Variants in NHS observed in about 807,000 individuals in gnomAD.
NHS encodes the protein actin remodeling regulator NHS.
In NHS, 5 loss-of-function variants were observed where a neutral mutation model predicts 72.5. The observed-to-expected ratio is 0.07, with a 90% CI of 0.04 to 0.14. The LOEUF (loss-of-function observed/expected upper bound fraction) is 0.14. Ranked by LOEUF, NHS falls within the 10% of genes least tolerant of loss-of-function variation. NHS has a pLI of 1.00. For synonymous variants in NHS, 464 were observed against 547.7 expected, an observed-to-expected ratio of 0.85 and a Z score of 2.13; for missense variants, 1,072 against 1,355.7, an observed-to-expected ratio of 0.79 and a Z score of 3.29.
At position 17,375,825 on chromosome X, in the gene NHS, CAGCAGT is replaced by C. The variant is rs1195311295; in HGVS notation, c.69_74del (p.Ala24_Val25del). 8.7e-7 allele frequency: 1 copy of C among 1,147,443 alleles called. No individual in the cohort carries two copies. The allele number at this position is 1,147,443 out of a possible 1,213,427, so 94.6% of individuals were successfully genotyped here. A position where few individuals can be genotyped will look rare whatever the true frequency, so the allele number is the denominator to read the frequency against. ...AGGCAGCGGCGCCCTGCGCCCGGCC[CAGCAGT>C]GGACGCGAGCGGAGGCAGCGCTGAG... On this transcript the variant is annotated inframe_deletion, in exon 1 of 9. Transcript: ENST00000676302.
intron 1 of NHS, among the ~76,000 whole-genome samples, chrX:17,568,646 A>ATT (rs1569283931): frequency 2.1e-5 from 1 of 47,243 alleles, no homozygotes; most frequent in Non-Finnish European, 4.0e-5. Flanking sequence ...CAGGTTACTT[A>ATT]GTTATTATTA....
chrX:17,558,360 A>G lies in NHS; in HGVS notation c.566-129382A>G, dbSNP rs185977142. ...ATTAAGGATATTTTCTCATTACTAG[A>G]TTTAGAGAGATGTCAGTATCATATC... On this transcript the variant is annotated intron_variant, in intron 1 of 8. Transcript: ENST00000676302. Among the ~76,000 whole-genome samples, 402 of 112,080 alleles carry G rather than the reference A, an allele frequency of 3.6e-3. 1 individual carries two copies. The highest frequency in any genetic ancestry group is 5.1e-3 in the Non-Finnish European group (270 of 53,209).
At chrX:17,721,770 GATGTTCGAT>G (rs779499127) in intron 5 of NHS, 137 bp downstream of exon 5, 12 of 523,485 alleles carry the variant, frequency 2.3e-5, no homozygotes, top group African/African-American at 2.1e-4. Context: ...AAACCCAGAG[GATGTTCGAT>G]ATGCTTTTGT....
At chrX:17,419,110 G>A (rs757730598) in intron 1 of NHS, among the ~76,000 whole-genome samples, 1 of 112,314 alleles carries the variant, frequency 8.9e-6, no homozygotes, top group Non-Finnish European at 1.9e-5. Context: ...TAAATGCATC[G>A]TAAAATCAGC....
chrX:17,461,536 T>C (rs1239180166), intron 1 of NHS, among the ~76,000 whole-genome samples: 1 of 112,849 alleles, frequency 8.9e-6, no homozygotes, highest in Middle Eastern at 4.2e-3. Context: ...CTTCACAACA[T>C]CCAGTTCTTG....
chrX:17,615,215 C>CA (rs1491146951), intron 1 of NHS, among the ~76,000 whole-genome samples: 1 of 89,156 alleles, frequency 1.1e-5, no homozygotes, highest in Non-Finnish European at 2.1e-5. Flanking sequence ...TATATATATA[C>CA]GTATATATAC....
chrX:17,486,453 T>C (rs1326316045), intron 1 of NHS, among the ~76,000 whole-genome samples: 1 of 111,856 alleles, frequency 8.9e-6, no homozygotes, highest in Non-Finnish European at 1.9e-5. Flanking sequence ...GATTAGCTAA[T>C]GTACGCTGGG....
intron 1 of NHS, among the ~76,000 whole-genome samples, chrX:17,406,499 C>T (rs1484287696): frequency 9.0e-6 from 1 of 111,383 alleles, no homozygotes; most frequent in African/African-American, 3.3e-5. Context: ...TCCAGTGTCC[C>T]CTTCGATTGT....
chrX:17,674,528 G>A (rs1220506264), intron 1 of NHS, among the ~76,000 whole-genome samples: 1 of 111,911 alleles, frequency 8.9e-6, no homozygotes, highest in African/African-American at 3.3e-5. Flanking sequence ...ATCACTCAGG[G>A]GTGAAGCTGT....
chrX:17,532,853 T>G (rs4825320), intron 1 of NHS, among the ~76,000 whole-genome samples: 35,222 of 111,051 alleles, frequency 0.32, 4,227 homozygotes, highest in East Asian at 0.41. Flanking sequence ...TGGGCCCTTT[T>G]CTTAACTTAT....
chrX:17,453,750 A>G (rs1245684677), intron 1 of NHS, among the ~76,000 whole-genome samples: 4 of 112,274 alleles, frequency 3.6e-5, no homozygotes, highest in African/African-American at 1.3e-4. Flanking sequence ...CCCCTGCTCA[A>G]GGATGTAATC....
chrX:17,584,375 G>A, intron 1 of NHS, among the ~76,000 whole-genome samples: 1 of 111,599 alleles, frequency 9.0e-6, no homozygotes, highest in Non-Finnish European at 1.9e-5. Flanking sequence ...TTTCTGGGCA[G>A]AGAAGCTGGG....
In NHS at chrX:17,607,511, G is replaced by T. The variant is rs182089995; in HGVS notation, c.566-80231G>T. On this transcript the variant is annotated intron_variant, in intron 1 of 8. Transcript: ENST00000676302. ...AAGGAAAGAGGAGGAAGGAGAAATG[G>T]TTCAGGCTTTTCTGTTTCTCCCCCT... Among the ~76,000 whole-genome samples the T allele has an allele frequency of 9.8e-5, 11 of 111,725 alleles. No individual in the cohort carries two copies. The East Asian group carries it at 3.1e-3, about 31-fold the overall frequency.
intron 1 of NHS, among the ~76,000 whole-genome samples, chrX:17,408,011 G>A (rs184785911): frequency 1.1e-3 from 126 of 110,577 alleles, no homozygotes; most frequent in African/African-American, 4.0e-3. Flanking sequence ...ATGTATTTTT[G>A]TTGTTGTTGT....
Position 17,454,628 on chromosome X carries a change from G to T in NHS, c.565+78306G>T, listed in dbSNP as rs577577455. 4.5e-5 allele frequency among the ~76,000 whole-genome samples: 5 copies of T among 112,129 alleles called. No homozygotes were observed. In the South Asian group the frequency reaches 1.9e-3, roughly 42 times the overall value. ...TCTAGTGACAGCTCTGTGATCTTGC[G>T]GGAGTCATATTGTCTCTGTCCACTT... On this transcript the variant is annotated intron_variant, in intron 1 of 8. Coordinates refer to ENST00000676302, the MANE Select transcript of NHS (RefSeq NM_001291867.2).
intron 1 of NHS, among the ~76,000 whole-genome samples, chrX:17,531,399 C>G (rs915734141): frequency 7.2e-5 from 8 of 110,835 alleles, no homozygotes; most frequent in African/African-American, 2.6e-4. Flanking sequence ...CAGTGTCTCT[C>G]AGATCCCTCT....
At chrX:17,388,916 G>T (rs995735224) in intron 1 of NHS, among the ~76,000 whole-genome samples, 22 of 110,071 alleles carry the variant, frequency 2.0e-4, no homozygotes, top group African/African-American at 7.0e-4. Context: ...GTTGATGGTT[G>T]TTTCATGTCT....
intron 1 of NHS, among the ~76,000 whole-genome samples, chrX:17,458,804 T>C (rs948553940): frequency 8.9e-6 from 1 of 112,310 alleles, no homozygotes; most frequent in Non-Finnish European, 1.9e-5. Context: ...GTGCATGCAT[T>C]CTTTGGGTCC....
intron 1 of NHS, among the ~76,000 whole-genome samples, chrX:17,495,123 G>A (rs2065006727): frequency 8.9e-6 from 1 of 111,850 alleles, no homozygotes; most frequent in Non-Finnish European, 1.9e-5. Flanking sequence ...CCAGGTGAAT[G>A]CTCCTCACCC....
Sources: gnomAD v4.1 joint callset for allele counts (sites outside exome capture counted in the v4.1 genomes callset) on GRCh38, gnomAD v4.1.1 for gene constraint, MANE v1.5 for transcripts, NCBI Gene and HGNC (gene_info 2026-07-23, HGNC 2026-07-21) for gene names.